EYS: variants seen among roughly 807,000 people sequenced by gnomAD.
The protein encoded by EYS is protein eyes shut homolog.
EYS carries 250 observed loss-of-function variants against 282.1 expected under a neutral mutation model. The observed-to-expected ratio is 0.89, with a 90% CI of 0.80 to 0.98. The LOEUF is 0.98. Among genes scored for constraint, EYS ranks in the 50% least tolerant of loss-of-function variants. The probability of loss-of-function intolerance (pLI) is 0.00; values close to 1 mark genes in which losing one functional copy is unlikely to be tolerated. For missense variants in EYS, 4,016 were observed against 3,709.0 expected (o/e 1.08, Z -2.15); for synonymous variants, 1,355 against 1,282.9 (o/e 1.06, Z -1.20).
chr6:64,078,427 T>A (rs556918801), intron 32 of EYS, among the ~76,000 whole-genome samples: 5 of 152,160 alleles, frequency 3.3e-5, no homozygotes, highest in African/African-American at 9.6e-5. Flanking sequence ...CTAACTGAAT[T>A]ACAAAAATCT....
intron 31 of EYS, among the ~76,000 whole-genome samples, chr6:64,100,554 C>T (rs1772790616): frequency 6.6e-6 from 1 of 151,890 alleles, no homozygotes; most frequent in Admixed American, 6.6e-5. Context: ...CTGGTATTCC[C>T]TTTTTTATTA....
At chr6:64,656,993 C>A (rs1187209193) in intron 22 of EYS, among the ~76,000 whole-genome samples, 1 of 152,116 alleles carries the variant, frequency 6.6e-6, no homozygotes, top group African/African-American at 2.4e-5. Context: ...GAGTCTAAGT[C>A]TCTTTCTAGG....
chr6:64,066,754 A>G (rs1428169926), intron 32 of EYS, among the ~76,000 whole-genome samples: 1 of 152,132 alleles, frequency 6.6e-6, no homozygotes. Context: ...GATGTCCTTA[A>G]CTATTTTAAA....
chr6:64,975,369 T>A (rs1454435882), intron 14 of EYS, among the ~76,000 whole-genome samples: 1 of 151,870 alleles, frequency 6.6e-6, no homozygotes, highest in Non-Finnish European at 1.5e-5. Flanking sequence ...CTTCTCTCTG[T>A]GCTGTAACTT....
rs397797960 is a variant in EYS at position 65,295,856 on chromosome 6, A to AC, written c.2023+6_2023+7insG. The stretch of plus-strand genomic sequence containing the variant: ...AAATTTAATTTATCAGGAAAAAAAA[A>AC]ACTTGCCTTTAAATCCTGGGACACA... On this transcript the variant is annotated splice_region_variant and intron_variant, in intron 12 of 42. Transcript: ENST00000503581. 6.5e-5 allele frequency: 100 copies of AC among 1,527,494 alleles called. No homozygotes were observed. The highest frequency in any genetic ancestry group is 1.7e-4 in the Middle Eastern group (1 of 5,914). 94.6% of individuals were successfully genotyped at this position (1,527,494 alleles called of 1,614,324 possible).
At chr6:65,127,226 C>T (rs777671863) in intron 12 of EYS, among the ~76,000 whole-genome samples, 22 of 151,940 alleles carry the variant, frequency 1.4e-4, no homozygotes, top group African/African-American at 3.4e-4. Context: ...ACTAAATAAA[C>T]GAACAGATTT....
intron 12 of EYS, among the ~76,000 whole-genome samples, chr6:65,205,212 G>C (rs1766006684): frequency 6.6e-6 from 1 of 150,656 alleles, no homozygotes; most frequent in East Asian, 1.9e-4. Context: ...GGTAGTAAAA[G>C]ATATAGCACA....
At chr6:65,182,035 A>G (rs1001352519) in intron 12 of EYS, among the ~76,000 whole-genome samples, 1 of 151,888 alleles carries the variant, frequency 6.6e-6, no homozygotes, top group Admixed American at 6.6e-5. Flanking sequence ...AGGAAGGGGA[A>G]CATCACACAC....
chr6:64,730,959 T>C (rs985262751), intron 22 of EYS: 9 of 152,186 alleles, frequency 5.9e-5, no homozygotes, highest in Non-Finnish European at 1.0e-4. Flanking sequence ...ACTTCTGCTT[T>C]CCTGTTTTTA....
At chr6:64,394,676 C>T (rs1469718751) in intron 28 of EYS, among the ~76,000 whole-genome samples, 3 of 151,846 alleles carry the variant, frequency 2.0e-5, no homozygotes, top group African/African-American at 7.3e-5. Context: ...ACCATAAAAA[C>T]CCTAGAAGAA....
At chr6:64,795,127 C>T (rs1310184175) in intron 22 of EYS, among the ~76,000 whole-genome samples, 1 of 151,622 alleles carries the variant, frequency 6.6e-6, no homozygotes, top group Non-Finnish European at 1.5e-5. Context: ...CCTAGCTACT[C>T]ATAAGGCTGA....
intron 26 of EYS, among the ~76,000 whole-genome samples, chr6:64,579,205 G>C (rs1765984765): frequency 6.6e-6 from 1 of 152,250 alleles, no homozygotes; most frequent in Non-Finnish European, 1.5e-5. Flanking sequence ...TACCTGGAGT[G>C]AGAGATGCTC....
intron 2 of EYS, among the ~76,000 whole-genome samples, chr6:65,602,725 G>C (rs144087153): frequency 2.0e-5 from 3 of 152,106 alleles, no homozygotes; most frequent in East Asian, 3.9e-4. Flanking sequence ...AAGTCAACAG[G>C]GGAAGCACAG....
At chr6:64,917,417 A>G (rs1288533647) in intron 15 of EYS, among the ~76,000 whole-genome samples, 1 of 152,202 alleles carries the variant, frequency 6.6e-6, no homozygotes, top group Non-Finnish European at 1.5e-5. Context: ...ATTAAGGCAT[A>G]TAGGCTTTTT....
chr6:64,707,791 T>C (rs1359087872), intron 22 of EYS, among the ~76,000 whole-genome samples: 3 of 151,864 alleles, frequency 2.0e-5, no homozygotes, highest in Admixed American at 1.3e-4. Flanking sequence ...ACAAAACCTA[T>C]TGAAATCAAA....
At chr6:64,348,840 T>C (rs966605036) in intron 29 of EYS, among the ~76,000 whole-genome samples, 1 of 151,442 alleles carries the variant, frequency 6.6e-6, no homozygotes, top group African/African-American at 2.4e-5. Flanking sequence ...TGAGAATCTT[T>C]ACAGTCTTAT....
intron 36 of EYS, among the ~76,000 whole-genome samples, chr6:63,845,558 A>T (rs1033331397): frequency 2.0e-5 from 3 of 152,158 alleles, no homozygotes; most frequent in Non-Finnish European, 4.4e-5. Flanking sequence ...TTTGCTTTCT[A>T]GATATAAGGC....
chr6:64,310,453 A>G (rs754532018), intron 29 of EYS, among the ~76,000 whole-genome samples: 1 of 152,196 alleles, frequency 6.6e-6, no homozygotes, highest in Non-Finnish European at 1.5e-5. Flanking sequence ...GCTGGAGGCC[A>G]TTATCCTTAG....
intron 31 of EYS, among the ~76,000 whole-genome samples, chr6:64,107,289 A>ATATATATATATATATATT: frequency 9.6e-6 from 1 of 104,212 alleles, no homozygotes; most frequent in African/African-American, 5.0e-5. Flanking sequence ...ATATATTTAT[A>ATATATATATATATATATT]TATATATATA....
Sources: gnomAD v4.1 joint callset for allele counts (sites outside exome capture counted in the v4.1 genomes callset) on GRCh38, gnomAD v4.1.1 for gene constraint, MANE v1.5 for transcripts, NCBI Gene and HGNC (gene_info 2026-07-23, HGNC 2026-07-21) for gene names.